The following NPAS2 variants were observed in gnomAD, a reference collection of about 807,000 sequenced individuals.
NPAS2 encodes the protein neuronal PAS domain protein 2, also known as neuronal PAS domain-containing protein 2.
A neutral mutation model predicts 107.5 loss-of-function variants in NPAS2; 23 were observed. The observed-to-expected ratio is 0.21, with a 90% CI of 0.15 to 0.30. NPAS2 has a LOEUF of 0.30. NPAS2 is among the 10% of genes least tolerant of loss of function. The pLI is 1.00. For missense variants in NPAS2, 756 were observed against 1,043.3 expected (o/e 0.72, Z 3.79); for synonymous variants, 403 against 417.5 (o/e 0.97, Z 0.42).
chr2:100,836,004 C>A (rs1273478310), intron 1 of NPAS2, among the ~76,000 whole-genome samples: 1 of 152,128 alleles, frequency 6.6e-6, no homozygotes, highest in Non-Finnish European at 1.5e-5. Flanking sequence ...GGGAGTATCT[C>A]CGTAGTGATT....
At chr2:100,894,176 G>A (rs977544781) in intron 1 of NPAS2, among the ~76,000 whole-genome samples, 1 of 152,186 alleles carries the variant, frequency 6.6e-6, no homozygotes, top group Non-Finnish European at 1.5e-5. Context: ...AAGCCTTTGG[G>A]GCAGAAATTT....
chr2:100,895,307 C>T (rs1012485009), intron 1 of NPAS2, among the ~76,000 whole-genome samples: 13 of 152,168 alleles, frequency 8.5e-5, no homozygotes, highest in African/African-American at 2.9e-4. Flanking sequence ...TGGGGGCTTC[C>T]CTTGGACTCT....
chr2:100,821,996 C>A (rs929122822), intron 1 of NPAS2, among the ~76,000 whole-genome samples: 37 of 152,224 alleles, frequency 2.4e-4, no homozygotes, highest in Admixed American at 2.3e-3. Context: ...CAGTAATTAT[C>A]TTCCATCTCA....
At chr2:100,975,783 A>G (rs1676950279) in intron 14 of NPAS2, 1 of 448,738 alleles carries the variant, frequency 2.2e-6, no homozygotes, top group Non-Finnish European at 3.9e-6. Context: ...ATCCATTAGA[A>G]TACAAAATCC....
chr2:100,863,802 T>C (rs1679083871), intron 1 of NPAS2, among the ~76,000 whole-genome samples: 1 of 152,198 alleles, frequency 6.6e-6, no homozygotes, highest in Admixed American at 6.5e-5. Context: ...AATGTATATA[T>C]GTATATAATT....
intron 1 of NPAS2, chr2:100,821,335 CTT>C: frequency 1.4e-6 from 1 of 733,680 alleles, no homozygotes; most frequent in East Asian, 7.0e-5. Context: ...GTCCGGGAGG[CTT>C]TAGTACGGAA....
At chr2:100,974,208 C>T (rs567998620) in intron 12 of NPAS2, among the ~76,000 whole-genome samples, 9 of 152,314 alleles carry the variant, frequency 5.9e-5, no homozygotes, top group South Asian at 2.1e-4. Context: ...AACGGTCCTT[C>T]GGAGTCAGAC....
intron 1 of NPAS2, among the ~76,000 whole-genome samples, chr2:100,877,192 G>T (rs186302553): frequency 6.6e-6 from 1 of 152,168 alleles, no homozygotes; most frequent in South Asian, 2.1e-4. Context: ...TAGGCTGGGC[G>T]CAGTGGCTTA....
At chr2:100,833,684 A>C (rs942464114) in intron 1 of NPAS2, among the ~76,000 whole-genome samples, 2 of 152,222 alleles carry the variant, frequency 1.3e-5, no homozygotes, top group African/African-American at 2.4e-5. Flanking sequence ...CTGGGATTTC[A>C]GTCCAAATCA....
At position 100,873,732 on chromosome 2, in the gene NPAS2, T is replaced by G. The variant is rs550664836; in HGVS notation, c.-22-31001T>G. Among the ~76,000 whole-genome samples the G allele has an allele frequency of 3.3e-5, 5 of 152,262 alleles. No individual in the cohort carries two copies. In the South Asian group the frequency reaches 8.3e-4, roughly 25 times the overall value. ...AATGGAGCGGGGATTCATTTGTGAG[T>G]GGATTAGGATTGCAGTTTGAGCAGG... On this transcript the variant is annotated intron_variant, in intron 1 of 20. Transcript: ENST00000335681.
At chr2:100,891,465 C>T (rs1681063483) in intron 1 of NPAS2, among the ~76,000 whole-genome samples, 1 of 152,180 alleles carries the variant, frequency 6.6e-6, no homozygotes, top group South Asian at 2.1e-4. Flanking sequence ...GTCACCATTT[C>T]TGACCGCTGT....
At chr2:100,923,702 T>C (rs1463087471) in intron 2 of NPAS2, among the ~76,000 whole-genome samples, 2 of 152,280 alleles carry the variant, frequency 1.3e-5, no homozygotes, top group East Asian at 3.9e-4. Context: ...GGGGCCCCTG[T>C]TCTCTCTCAG....
intron 20 of NPAS2, 182 bp from the exon 21 acceptor site, chr2:100,995,218 C>T: frequency 1.9e-6 from 1 of 538,094 alleles, no homozygotes; most frequent in Non-Finnish European, 3.2e-6. Context: ...CTAAGGTTCC[C>T]TTAGTCCCCA....
chr2:100,831,495 C>T (rs566290917), intron 1 of NPAS2, among the ~76,000 whole-genome samples: 7 of 152,002 alleles, frequency 4.6e-5, no homozygotes, highest in Non-Finnish European at 8.8e-5. Flanking sequence ...AAGGTGGGGG[C>T]GGATGTGTCA....
At chr2:100,837,104 T>C (rs1421632202) in intron 1 of NPAS2, among the ~76,000 whole-genome samples, 1 of 152,122 alleles carries the variant, frequency 6.6e-6, no homozygotes, top group Non-Finnish European at 1.5e-5. Flanking sequence ...ATTAATGTTC[T>C]AGGACAAATC....
At chr2:100,951,464 A>G (rs1217772871) in intron 7 of NPAS2, among the ~76,000 whole-genome samples, 1 of 152,248 alleles carries the variant, frequency 6.6e-6, no homozygotes, top group Non-Finnish European at 1.5e-5. Flanking sequence ...ATGGATAAAG[A>G]AAGTGTGATA....
intron 5 of NPAS2, among the ~76,000 whole-genome samples, chr2:100,939,351 G>A (rs73967999): frequency 0.098 from 14,914 of 152,188 alleles, 1,371 homozygotes; most frequent in East Asian, 0.38. Flanking sequence ...AAACGAGGGT[G>A]CATCAGGCTG....
At chr2:100,979,528 T>A (rs866744562) in intron 15 of NPAS2, among the ~76,000 whole-genome samples, 1 of 107,856 alleles carries the variant, frequency 9.3e-6, no homozygotes, top group African/African-American at 3.7e-5. Flanking sequence ...TTTTTTTTTT[T>A]CTGAGACGGA....
chr2:100,945,247 A>G (rs553972235), intron 5 of NPAS2, among the ~76,000 whole-genome samples: 1 of 152,038 alleles, frequency 6.6e-6, no homozygotes, highest in Non-Finnish European at 1.5e-5. Context: ...CCGATCAGCC[A>G]CCAAGCTGTG....
Sources: gnomAD v4.1 joint callset for allele counts (sites outside exome capture counted in the v4.1 genomes callset) on GRCh38, gnomAD v4.1.1 for gene constraint, MANE v1.5 for transcripts, NCBI Gene and HGNC (gene_info 2026-07-23, HGNC 2026-07-21) for gene names.